Variants in LITAF observed in about 807,000 individuals in gnomAD.
LITAF encodes lipopolysaccharide-induced tumor necrosis factor-alpha factor.
Under a neutral mutation model 14.5 loss-of-function variants are expected in LITAF, and 9 were observed. The observed-to-expected ratio is 0.62, with a 90% CI of 0.37 to 1.08. LITAF has a LOEUF of 1.08. Among genes scored for constraint, LITAF ranks in the 50% least tolerant of loss-of-function variants. The probability of loss-of-function intolerance (pLI) is 0.01; values close to 1 mark genes in which losing one functional copy is unlikely to be tolerated. For synonymous variants in LITAF, 98 were observed against 88.2 expected (o/e 1.11, Z -0.62); for missense variants, 206 against 213.4 (o/e 0.97, Z 0.22).
intron 1 of LITAF, among the ~76,000 whole-genome samples, chr16:11,562,313 CAAA>C (rs57317505): frequency 0.01 from 626 of 61,382 alleles, 3 homozygotes; most frequent in Non-Finnish European, 0.014. Context: ...GACTCCGTCT[CAAA>C]AAAAAAAAAA....
chr16:11,638,032 CTA>C (rs1217060542), upstream of LITAF, among the ~76,000 whole-genome samples: 4 of 83,408 alleles, frequency 4.8e-5, 1 homozygote, highest in Non-Finnish European at 8.1e-5. Flanking sequence ...ATCTATATAT[CTA>C]TATATATCTA....
chr16:11,571,246 T>C (rs980037433), intron 1 of LITAF, among the ~76,000 whole-genome samples: 2 of 152,134 alleles, frequency 1.3e-5, no homozygotes, highest in African/African-American at 4.8e-5. Flanking sequence ...TTTTGTATTT[T>C]AGTAGAGATG....
chr16:11,572,744 C>A (rs1446020558), intron 1 of LITAF, among the ~76,000 whole-genome samples: 1 of 152,112 alleles, frequency 6.6e-6, no homozygotes, highest in East Asian at 1.9e-4. Flanking sequence ...AACGTAGAAC[C>A]CCGGCACAGA....
chr16:11,601,131 T>C (rs9925738), upstream of LITAF, among the ~76,000 whole-genome samples: 85,939 of 151,272 alleles, frequency 0.57, 25,461 homozygotes, highest in African/African-American at 0.75. Context: ...CCCTCACTCC[T>C]CCTTTTGCAC....
Position 11,605,021 on chromosome 16 carries a change from TC to T in LITAF, c.85+28511del, listed in dbSNP as rs1462108676. Among the ~76,000 whole-genome samples the T allele has an allele frequency of 6.6e-6, 1 of 152,134 alleles. No individual in the cohort carries two copies. The highest frequency in any genetic ancestry group is 1.5e-5 in the Non-Finnish European group (1 of 68,012). On this transcript the variant is annotated intron_variant, in intron 3 of 3. Transcript: ENST00000574848. The surrounding 1 kb of genome is among the most constrained non-coding windows in gnomAD (Gnocchi z 4.7). ...GAGCAATGCGGGAAAGAACGGAACT[TC>T]CTTGCCTACTCCAGGAATCGGCCAG... is the stretch of plus-strand genomic sequence containing the variant.
chr16:11,630,860 G>C (rs2065114430), intron 3 of LITAF, among the ~76,000 whole-genome samples: 1 of 152,126 alleles, frequency 6.6e-6, no homozygotes, highest in Non-Finnish European at 1.5e-5. Flanking sequence ...GCCTCCCAAA[G>C]TGCTAAGATC....
At position 11,548,756 on chromosome 16, in the gene LITAF, G is replaced by T. The variant is rs549484851; in HGVS notation, c.*881C>A. On this transcript the variant is annotated 3_prime_UTR_variant, in exon 4 of 4. Transcript: ENST00000622633. ...TTCGGGAGGCCAAGGCAGAAGGATC[G>T]CTTGAGCCCAGGAGTTCGACACCAG... The T allele has an allele frequency of 2.2e-6, 1 of 453,338 alleles. No individual in the cohort carries two copies. Among genetic ancestry groups the T allele is most frequent in the South Asian group, 1.6e-5 (1 of 64,264 alleles). 28.1% of individuals were successfully genotyped at this position (453,338 alleles called of 1,614,324 possible).
At chr16:11,614,205 G>A (rs1333222405) in intron 3 of LITAF, among the ~76,000 whole-genome samples, 2 of 152,132 alleles carry the variant, frequency 1.3e-5, no homozygotes, top group East Asian at 1.9e-4. Context: ...CTGGAGGCTA[G>A]AAGTCTGAAA....
intron 3 of LITAF, among the ~76,000 whole-genome samples, chr16:11,620,183 A>AG (rs1408877943): frequency 6.7e-6 from 1 of 150,370 alleles, no homozygotes; most frequent in African/African-American, 2.5e-5. Flanking sequence ...AAAAAAAAAA[A>AG]GAAAAGAAAA....
intron 3 of LITAF, among the ~76,000 whole-genome samples, chr16:11,614,690 C>T (rs930408130): frequency 6.6e-6 from 1 of 152,150 alleles, no homozygotes; most frequent in African/African-American, 2.4e-5. Flanking sequence ...ACCTCCACCT[C>T]CAGGGCTCGA....
At chr16:11,629,544 C>G (rs1229616263) in intron 3 of LITAF, among the ~76,000 whole-genome samples, 2 of 144,162 alleles carry the variant, frequency 1.4e-5, no homozygotes, top group African/African-American at 5.0e-5. Context: ...TCTGGGCTGC[C>G]AAGAAGGGTG....
intron 1 of LITAF, among the ~76,000 whole-genome samples, chr16:11,557,107 C>T (rs1277109714): frequency 2.1e-5 from 3 of 145,524 alleles, no homozygotes; most frequent in African/African-American, 5.1e-5. Context: ...GGTTTTTAAA[C>T]CACTGTGGTT....
chr16:11,633,106 G>A (rs954443961), intron 3 of LITAF, among the ~76,000 whole-genome samples: 1 of 152,158 alleles, frequency 6.6e-6, no homozygotes, highest in Non-Finnish European at 1.5e-5. Flanking sequence ...CCCAACACAC[G>A]TGCACACAGG....
rs545484224 is a variant in LITAF at position 11,606,884 on chromosome 16, C to CT, written c.85+26648dup. Among the ~76,000 whole-genome samples the CT allele has an allele frequency of 2.0e-4, 30 of 152,332 alleles. No homozygotes were observed. In the South Asian group the frequency reaches 4.8e-3, roughly 24 times the overall value. ...GAACTCCTGACCTCAGGTGATCCAC[C>CT]TGCCTCAGCTGGTCAGAGTGCTGGG... On this transcript the variant is annotated intron_variant, in intron 3 of 3. Transcript: ENST00000574848.
At chr16:11,578,945 C>T (rs12447658) in intron 1 of LITAF, among the ~76,000 whole-genome samples, 24,701 of 152,060 alleles carry the variant, frequency 0.16, 2,104 homozygotes, top group South Asian at 0.23. Flanking sequence ...TCCCAGCACT[C>T]TGGGAGGCCG....
At chr16:11,628,638 G>C (rs1414203081) in intron 3 of LITAF, among the ~76,000 whole-genome samples, 2 of 151,992 alleles carry the variant, frequency 1.3e-5, no homozygotes, top group East Asian at 3.9e-4. Flanking sequence ...AAGTAGCTGG[G>C]ATTACAGGTG....
At chr16:11,581,411 C>T (rs866397648) in intron 1 of LITAF, among the ~76,000 whole-genome samples, 43 of 152,240 alleles carry the variant, frequency 2.8e-4, no homozygotes, top group African/African-American at 9.9e-4. Context: ...CTTTGAGAGG[C>T]CAAGATGGAT....
rs1481278960 is a variant in LITAF, at chr16:11,548,958, C to T, written c.*679G>A. 2.2e-6 allele frequency: 1 copy of T among 453,996 alleles called. No homozygotes were observed. Among genetic ancestry groups the T allele is most frequent in the Non-Finnish European group, 4.4e-6 (1 of 226,788 alleles). 28.1% of individuals were successfully genotyped at this position (453,996 alleles called of 1,614,324 possible). Reference sequence around the variant, plus strand: ...TCTGGCACAGAGAAACAAGGGGAGACAGGGCAGTGATAAGATCCAGCCCTA... The same window carrying T: ...TCTGGCACAGAGAAACAAGGGGAGATAGGGCAGTGATAAGATCCAGCCCTA... On this transcript the variant is annotated 3_prime_UTR_variant, in exon 4 of 4. Transcript: ENST00000622633.
At chr16:11,556,777 A>G (rs1410552095) in intron 1 of LITAF, 42 bp from the exon 2 acceptor site, 1 of 1,502,028 alleles carries the variant, frequency 6.7e-7, no homozygotes, top group African/African-American at 1.4e-5. Flanking sequence ...AATTCAGTTG[A>G]TCTCTCCCTC....
Sources: allele counts gnomAD v4.1 joint callset (sites outside exome capture counted in the v4.1 genomes callset), GRCh38; gene constraint gnomAD v4.1.1; non-coding constraint Gnocchi (gnomAD v3.1); transcripts MANE v1.5; gene names NCBI Gene and HGNC (gene_info 2026-07-23, HGNC 2026-07-21).